Variants in ABTB3 observed in about 807,000 individuals in gnomAD.
ABTB3 encodes the protein ankyrin repeat- and BTB/POZ domain-containing protein 3.
the ABTB3 span, among the ~76,000 whole-genome samples, chr12:107,609,789 T>C: frequency 0.015 from 2,293 of 152,322 alleles, 56 homozygotes; most frequent in African/African-American, 0.052. Context: ...GCTTTCACAC[T>C]GTGTAGCCTT....
At chr12:107,346,187 T>C in the ABTB3 span, among the ~76,000 whole-genome samples, 2 of 152,170 alleles carry the variant, frequency 1.3e-5, no homozygotes, top group East Asian at 1.9e-4. Flanking sequence ...AGGGATTCTT[T>C]TGGGGGCTGC....
the ABTB3 span, chr12:107,318,833 A>G: frequency 7.6e-7 from 1 of 1,309,574 alleles, no homozygotes; most frequent in African/African-American, 1.5e-5. Context: ...TGGAAAAGTG[A>G]GCCAAGGCGG....
the ABTB3 span, among the ~76,000 whole-genome samples, chr12:107,383,546 C>T: frequency 2.0e-5 from 3 of 152,184 alleles, no homozygotes; most frequent in Non-Finnish European, 4.4e-5. Context: ...ATTTATAAAG[C>T]CCTTAAATAG....
At chr12:107,578,202 T>G in the ABTB3 span, among the ~76,000 whole-genome samples, 359 of 152,120 alleles carry the variant, frequency 2.4e-3, 1 homozygote, top group Non-Finnish European at 4.1e-3. Context: ...ATTCATGAGC[T>G]TATATACTAT....
the ABTB3 span, among the ~76,000 whole-genome samples, chr12:107,366,781 G>T: frequency 2.0e-5 from 3 of 152,272 alleles, no homozygotes; most frequent in South Asian, 2.1e-4. Context: ...ATTTTTTAAT[G>T]CATGAGAAGG....
the ABTB3 span, chr12:107,319,466 G>C: frequency 6.2e-7 from 1 of 1,605,878 alleles, no homozygotes. Context: ...GGGCCTGGCC[G>C]CGCACTGTAC....
At chr12:107,504,158 T>G in the ABTB3 span, among the ~76,000 whole-genome samples, 1 of 152,246 alleles carries the variant, frequency 6.6e-6, no homozygotes, top group African/African-American at 2.4e-5. Flanking sequence ...AATCAGCTCC[T>G]GAATTTGGCC....
At chr12:107,453,710 A>G in the ABTB3 span, among the ~76,000 whole-genome samples, 8 of 152,048 alleles carry the variant, frequency 5.3e-5, no homozygotes, top group Non-Finnish European at 8.8e-5. Context: ...AAACCAGAAA[A>G]TGGGATAGGG....
chr12:107,608,942 TA>T, the ABTB3 span, among the ~76,000 whole-genome samples: 33 of 60,246 alleles, frequency 5.5e-4, 1 homozygote, highest in African/African-American at 2.0e-3. Context: ...TAAAATAAAA[TA>T]AATAAAATAA....
At chr12:107,477,428 T>C in the ABTB3 span, among the ~76,000 whole-genome samples, 3 of 152,334 alleles carry the variant, frequency 2.0e-5, no homozygotes, top group South Asian at 6.2e-4. Flanking sequence ...CCCTGCCAGA[T>C]GCATCTTTTG....
At chr12:107,519,526 C>G in the ABTB3 span, among the ~76,000 whole-genome samples, 1 of 152,080 alleles carries the variant, frequency 6.6e-6, no homozygotes, top group African/African-American at 2.4e-5. Context: ...CCATGTTGGC[C>G]AGGCTGGTCT....
the ABTB3 span, among the ~76,000 whole-genome samples, chr12:107,624,583 AGTAT>A: frequency 2.0e-5 from 3 of 152,188 alleles, no homozygotes; most frequent in Non-Finnish European, 2.9e-5. Flanking sequence ...GGAATCATAC[AGTAT>A]GTAATTTTGG....
At chr12:107,561,951 T>A in the ABTB3 span, among the ~76,000 whole-genome samples, 1 of 152,184 alleles carries the variant, frequency 6.6e-6, no homozygotes, top group Non-Finnish European at 1.5e-5. Flanking sequence ...CTGATTTAGA[T>A]GCTCCTACTT....
At chr12:107,455,710 G>T in the ABTB3 span, among the ~76,000 whole-genome samples, 2 of 152,206 alleles carry the variant, frequency 1.3e-5, no homozygotes, top group African/African-American at 4.8e-5. Flanking sequence ...TAGGTCAGCT[G>T]TAGGACGGGG....
chr12:107,520,551 G>A, the ABTB3 span: 1 of 1,614,236 alleles, frequency 6.2e-7, no homozygotes, highest in East Asian at 2.2e-5. Context: ...ACAAGCCAGG[G>A]GAACTGCCCA....
At chr12:107,352,684 G>A in the ABTB3 span, among the ~76,000 whole-genome samples, 3 of 152,114 alleles carry the variant, frequency 2.0e-5, no homozygotes, top group Non-Finnish European at 4.4e-5. Context: ...TTGATATCAG[G>A]AGAATGATGT....
the ABTB3 span, among the ~76,000 whole-genome samples, chr12:107,437,635 C>T: frequency 3.3e-5 from 5 of 152,254 alleles, no homozygotes; most frequent in Admixed American, 6.5e-5. Flanking sequence ...CTCTTGACCT[C>T]GGGTGCTCCA....
the ABTB3 span, among the ~76,000 whole-genome samples, chr12:107,452,600 C>T: frequency 9.1e-3 from 1,385 of 152,060 alleles, 26 homozygotes; most frequent in African/African-American, 0.032. Context: ...CCTGTAATCC[C>T]GGGCCAAGGG....
the ABTB3 span, among the ~76,000 whole-genome samples, chr12:107,379,399 T>C: frequency 6.6e-6 from 1 of 152,100 alleles, no homozygotes; most frequent in Non-Finnish European, 1.5e-5. Context: ...GTTCTTGTGA[T>C]AGAGAAGAAG....
Sources: allele counts gnomAD v4.1 joint callset (sites outside exome capture counted in the v4.1 genomes callset), GRCh38; gene constraint gnomAD v4.1.1; transcripts MANE v1.5; gene names NCBI Gene and HGNC (gene_info 2026-07-23, HGNC 2026-07-21).